The following NUP43 variants were observed in gnomAD, a reference collection of about 807,000 sequenced individuals.
NUP43 encodes the protein nucleoporin Nup43.
Under a neutral mutation model 47.3 loss-of-function variants are expected in NUP43, and 32 were observed. The ratio of observed to expected loss-of-function variants is 0.68; its 90% confidence interval spans 0.51 to 0.91. The LOEUF (loss-of-function observed/expected upper bound fraction) is 0.91, where lower values mean the gene tolerates loss of function less well. Ranked by LOEUF, NUP43 falls within the 40% of genes least tolerant of loss-of-function variation. The pLI, the probability that NUP43 is intolerant of heterozygous loss-of-function variation, is 0.00. For synonymous variants in NUP43, 147 were observed against 158.4 expected, an observed-to-expected ratio of 0.93 and a Z score of 0.54; for missense variants, 444 against 453.9, an observed-to-expected ratio of 0.98 and a Z score of 0.20.
At position 149,731,763 on chromosome 6, in the gene NUP43, T is replaced by G; in HGVS notation, c.791-28A>C. 3.7e-6 allele frequency: 6 copies of G among 1,609,204 alleles called. No individual in the cohort carries two copies. In the Admixed American group the frequency reaches 1.0e-4, roughly 27 times the overall value. On this transcript the variant is annotated intron_variant, in intron 6 of 7. Coordinates refer to ENST00000340413, the MANE Select transcript of NUP43 (RefSeq NM_198887.3). ...AAGAGACAAGAATCAATAAGCTCATTCCTGTGCAGATTCGCTGAACAAACA... is the reference window on the plus strand; with the variant it reads ...AAGAGACAAGAATCAATAAGCTCATGCCTGTGCAGATTCGCTGAACAAACA...
At chr6:149,748,284 A>C (rs1786122123), upstream of NUP43, among the ~76,000 whole-genome samples, 1 of 152,244 alleles carries the variant, frequency 6.6e-6, no homozygotes, top group Non-Finnish European at 1.5e-5. Context: ...ATGCCACTGC[A>C]TTCCAGCCTG....
At chr6:149,746,243 C>A in intron 1 of NUP43, 133 bp downstream of exon 1, 1 of 1,414,248 alleles carries the variant, frequency 7.1e-7, no homozygotes, top group South Asian at 1.3e-5. Flanking sequence ...AGCAACCGCG[C>A]CTGAGACAGG....
rs1359297528 is a variant in NUP43, at chr6:149,745,976, A to C, written c.207T>G (p.Cys69Trp). ...GGFEGDHQLL[C>W]DIRHHGDVMD... ...TTACATCACCATGGTGTCTGATATC[A>C]CACAATAACTGATGGTCTCCTTCAA... The change falls in exon 2 of 8, where the codon TGT (cysteine) becomes TGG (tryptophan). Residue 69 changes from cysteine to tryptophan, a missense_variant. Transcript: ENST00000340413. 1 of 1,613,534 alleles carries C rather than the reference A, an allele frequency of 6.2e-7. No homozygotes were observed. The highest frequency in any genetic ancestry group is 8.5e-7 in the Non-Finnish European group (1 of 1,179,694).
upstream of NUP43, among the ~76,000 whole-genome samples, chr6:149,747,983 C>G (rs1332823690): frequency 6.6e-6 from 1 of 152,190 alleles, no homozygotes; most frequent in African/African-American, 2.4e-5. Flanking sequence ...GTTACAGTCC[C>G]AAATCAACAA....
At chr6:149,744,003 G>A (rs1410529034) in intron 2 of NUP43, among the ~76,000 whole-genome samples, 1 of 152,224 alleles carries the variant, frequency 6.6e-6, no homozygotes, top group African/African-American at 2.4e-5. Flanking sequence ...GCTGGGTGCA[G>A]TGGCTCACGC....
At chr6:149,728,275 G>A (rs1017566557) in intron 7 of NUP43, 1 of 982,410 alleles carries the variant, frequency 1.0e-6, no homozygotes, top group Non-Finnish European at 1.2e-6. Context: ...AGTAGACACA[G>A]AATAAAGTTT....
At chr6:149,731,571 A>AAG (rs1785043534) in intron 7 of NUP43, 42 bp downstream of exon 7, 1 of 1,543,370 alleles carries the variant, frequency 6.5e-7, no homozygotes, top group East Asian at 2.3e-5. Flanking sequence ...TTAAAAAAAA[A>AAG]AAAAAAAAGT....
At chr6:149,735,503 G>T (rs1158700332) in intron 6 of NUP43, among the ~76,000 whole-genome samples, 2 of 147,554 alleles carry the variant, frequency 1.4e-5, no homozygotes, top group African/African-American at 5.1e-5. Flanking sequence ...AGCACTTTGG[G>T]AGAATCGTGT....
chr6:149,746,109 T>A, intron 1 of NUP43, 47 bp from the exon 2 acceptor site: 1 of 1,595,268 alleles, frequency 6.3e-7, no homozygotes, highest in African/African-American at 1.4e-5. Context: ...ACGTCAACTC[T>A]CGGAAAATAA....
Position 149,738,672 on chromosome 6 carries a change from TTG to T in NUP43, c.607_608del (p.Gln203ArgfsTer3), listed in dbSNP as rs1416066985. 1.3e-6 allele frequency: 2 copies of T among 1,585,716 alleles called. No homozygotes were observed. The highest frequency in any genetic ancestry group is 1.7e-6 in the Non-Finnish European group (2 of 1,169,918). On this transcript the variant is annotated frameshift_variant, in exon 5 of 8. Transcript: ENST00000340413. LOFTEE classifies it high-confidence loss of function. ...GQLKIWDFRQ[Q>X]GNEPSQILSL... Reference sequence around the variant, plus strand: ...ACAATATCTGAGAAGGCTCATTTCCTTGTTGTCTGAAATCCCATATTTTCAAC... The same window carrying T: ...ACAATATCTGAGAAGGCTCATTTCCTTTGTCTGAAATCCCATATTTTCAAC...
intron 1 of NUP43, 124 bp downstream of exon 1, chr6:149,746,252 G>C (rs1562386813): frequency 6.9e-7 from 1 of 1,441,010 alleles, no homozygotes; most frequent in Non-Finnish European, 9.5e-7. Context: ...GCCTGAGACA[G>C]GGGTCCGGGG....
intron 7 of NUP43, among the ~76,000 whole-genome samples, chr6:149,728,833 C>T (rs552293666): frequency 6.6e-6 from 1 of 152,278 alleles, no homozygotes; most frequent in South Asian, 2.1e-4. Flanking sequence ...CTTATGCCTT[C>T]ACTTCTCTTA....
rs1785972557 is a variant in NUP43, at chr6:149,745,989, T to TG, written c.193dup (p.His65ProfsTer6). ...GTGTCTGATATCACACAATAACTGA[T>TG]GGTCTCCTTCAAACCCTCCATCAGA... On this transcript the variant is annotated frameshift_variant, in exon 2 of 8. Transcript: ENST00000340413. LOFTEE classifies it high-confidence loss of function. 6.2e-7 allele frequency: 1 copy of TG among 1,613,546 alleles called. No homozygotes were observed.
At chr6:149,729,534 CT>C in intron 7 of NUP43, 1 of 984,776 alleles carries the variant, frequency 1.0e-6, no homozygotes, top group Non-Finnish European at 1.2e-6. Flanking sequence ...TCAGAACAAA[CT>C]TTTACAGCAT....
chr6:149,748,311 T>A (rs1028360346), upstream of NUP43, among the ~76,000 whole-genome samples: 8 of 152,148 alleles, frequency 5.3e-5, no homozygotes, highest in Admixed American at 4.6e-4. Context: ...AGAGTGAGAC[T>A]CCGTCTCAAT....
chr6:149,746,347 T>C (rs768691390), intron 1 of NUP43, 29 bp downstream of exon 1: 8 of 1,608,704 alleles, frequency 5.0e-6, no homozygotes, highest in South Asian at 2.2e-5. Context: ...AGGGAGGAGG[T>C]AGGGGCTCGT....
chr6:149,733,741 C>T (rs756517792), intron 6 of NUP43, among the ~76,000 whole-genome samples: 65 of 152,020 alleles, frequency 4.3e-4, no homozygotes, highest in Non-Finnish European at 6.0e-4. Flanking sequence ...CTACCGTGCC[C>T]AGCCCCAAAG....
intron 6 of NUP43, among the ~76,000 whole-genome samples, chr6:149,736,234 G>A (rs577437592): frequency 9.9e-4 from 145 of 146,244 alleles, no homozygotes; most frequent in African/African-American, 3.4e-3. Flanking sequence ...CCAAGATAGC[G>A]CCATTGCACT....
intron 3 of NUP43, among the ~76,000 whole-genome samples, chr6:149,743,259 C>G (rs898981751): frequency 1.3e-5 from 2 of 151,194 alleles, no homozygotes; most frequent in African/African-American, 4.9e-5. Flanking sequence ...TCAAAAAAAC[C>G]CTTAACATGA....
Sources: allele counts gnomAD v4.1 joint callset (sites outside exome capture counted in the v4.1 genomes callset), GRCh38; gene constraint gnomAD v4.1.1; transcripts MANE v1.5; gene names NCBI Gene and HGNC (gene_info 2026-07-23, HGNC 2026-07-21).